Variants in MAP4 observed in about 807,000 individuals in gnomAD.
MAP4 encodes the protein microtubule associated protein 4.
In MAP4, 76 loss-of-function variants were observed where a neutral mutation model predicts 170.2. The ratio of observed to expected loss-of-function variants is 0.45; its 90% confidence interval spans 0.37 to 0.54. The LOEUF is 0.54. Ranked by LOEUF, MAP4 falls within the 20% of genes least tolerant of loss-of-function variation. The pLI is 0.00. For missense variants in MAP4, 2,506 were observed against 2,748.0 expected (o/e 0.91, Z 1.97); for synonymous variants, 909 against 994.5 (o/e 0.91, Z 1.62).
chr3:48,059,552 G>A (rs1381021712), intron 1 of MAP4, among the ~76,000 whole-genome samples: 1 of 149,238 alleles, frequency 6.7e-6, no homozygotes, highest in East Asian at 2.0e-4. Flanking sequence ...ACCTACTCAG[G>A]ATAGCAACAT....
At chr3:47,966,605 T>G (rs556383936) in intron 3 of MAP4, among the ~76,000 whole-genome samples, 1 of 152,182 alleles carries the variant, frequency 6.6e-6, no homozygotes, top group Non-Finnish European at 1.5e-5. Flanking sequence ...GGTCTTGAAC[T>G]CCTTGCCTCA....
intron 1 of MAP4, among the ~76,000 whole-genome samples, chr3:48,045,793 G>C (rs148729669): frequency 1.3e-5 from 2 of 152,064 alleles, no homozygotes; most frequent in Non-Finnish European, 2.9e-5. Context: ...CGCCTGCCTC[G>C]GCCTCCCAAA....
At chr3:47,980,925 T>C (rs1197724724) in intron 2 of MAP4, among the ~76,000 whole-genome samples, 1 of 152,214 alleles carries the variant, frequency 6.6e-6, no homozygotes, top group Non-Finnish European at 1.5e-5. Flanking sequence ...ATTACAGTGA[T>C]AAAACCTTTT....
chr3:47,874,396 G>C (rs1011190321), intron 12 of MAP4, among the ~76,000 whole-genome samples: 2 of 152,134 alleles, frequency 1.3e-5, no homozygotes, highest in African/African-American at 4.8e-5. Flanking sequence ...TTGAACCTGG[G>C]AGGTGGAGGT....
intron 3 of MAP4, among the ~76,000 whole-genome samples, chr3:47,977,485 A>G (rs1380523007): frequency 6.6e-6 from 1 of 152,220 alleles, no homozygotes; most frequent in Non-Finnish European, 1.5e-5. Context: ...CCTAACATTG[A>G]ACTGTAGAAA....
At chr3:47,966,692 T>G (rs2100075277) in intron 3 of MAP4, among the ~76,000 whole-genome samples, 1 of 152,172 alleles carries the variant, frequency 6.6e-6, no homozygotes, top group Admixed American at 6.5e-5. Flanking sequence ...ATCCAACTTT[T>G]TTATGTGGAT....
chr3:47,916,034 T>A lies in MAP4; in HGVS notation c.1793A>T (p.Gln598Leu). 1.2e-6 allele frequency: 2 copies of A among 1,614,240 alleles called. No homozygotes were observed. The highest frequency in any genetic ancestry group is 1.7e-6 in the Non-Finnish European group (2 of 1,180,038). The change falls in exon 7 of 21, where the codon CAA becomes CTA. Residue 598 changes from glutamine to leucine, a missense_variant. Gln to Leu is a moderately radical substitution (Grantham distance 113). Coordinates refer to ENST00000683076, the MANE Select transcript of MAP4 (RefSeq NM_001385682.1). ...PIKDMEIAQTQKGISEDSHLE... is the reference protein window; with the variant it reads ...PIKDMEIAQTLKGISEDSHLE... ...ATGGGAATCCTCACTTATTCCTTTT[T>A]GTGTTTGTGCAATTTCCATGTCTTT... is the stretch of plus-strand genomic sequence containing the variant.
chr3:47,884,982 G>A (rs964518884), intron 10 of MAP4, among the ~76,000 whole-genome samples: 5 of 152,138 alleles, frequency 3.3e-5, no homozygotes, highest in Admixed American at 3.3e-4. Flanking sequence ...GTGGACAACA[G>A]GAAGGCCCTT....
chr3:47,893,502 C>T (rs1158434518), intron 10 of MAP4, among the ~76,000 whole-genome samples: 3 of 152,188 alleles, frequency 2.0e-5, no homozygotes, highest in African/African-American at 7.2e-5. Flanking sequence ...GCTTACTGCC[C>T]CCATTTAACT....
At chr3:48,017,713 G>A (rs1456939071), upstream of MAP4, among the ~76,000 whole-genome samples, 1 of 152,024 alleles carries the variant, frequency 6.6e-6, no homozygotes, top group Non-Finnish European at 1.5e-5. Context: ...TGAAAGTCTT[G>A]AAATCAAGGT....
intron 3 of MAP4, among the ~76,000 whole-genome samples, chr3:47,951,581 A>G (rs1211681407): frequency 6.6e-6 from 1 of 152,216 alleles, no homozygotes; most frequent in East Asian, 1.9e-4. Context: ...CCAGCTCCTA[A>G]CCGCGAGTGA....
intron 1 of MAP4, among the ~76,000 whole-genome samples, chr3:48,037,880 T>C (rs942617291): frequency 1.4e-4 from 21 of 151,916 alleles, no homozygotes; most frequent in African/African-American, 4.6e-4. Flanking sequence ...AGAGTGAGGA[T>C]TTTCGGCCAG....
intron 1 of MAP4, among the ~76,000 whole-genome samples, chr3:48,042,826 G>C (rs889184813): frequency 6.6e-6 from 1 of 152,078 alleles, no homozygotes; most frequent in Non-Finnish European, 1.5e-5. Context: ...CCATAAAAGG[G>C]AATAAAGTCC....
At chr3:47,995,250 C>CTTT (rs67017707) in intron 2 of MAP4, among the ~76,000 whole-genome samples, 4 of 112,220 alleles carry the variant, frequency 3.6e-5, no homozygotes, top group East Asian at 2.7e-4. Context: ...TTTTTCTTTT[C>CTTT]TTTTTTTTTT....
chr3:47,885,857 T>C (rs542926603), intron 10 of MAP4, among the ~76,000 whole-genome samples: 1 of 151,736 alleles, frequency 6.6e-6, no homozygotes, highest in Non-Finnish European at 1.5e-5. Flanking sequence ...GCCTCCCGAG[T>C]AGCCGGGACT....
chr3:47,977,412 G>A (rs1011142157), intron 3 of MAP4, among the ~76,000 whole-genome samples: 1 of 152,120 alleles, frequency 6.6e-6, no homozygotes, highest in Non-Finnish European at 1.5e-5. Context: ...ACAGTTAAGG[G>A]AAAGATAAAG....
At chr3:48,087,745 G>GCGCGCACACACACACACACGCGCGCA (rs1491486983) in intron 1 of MAP4, among the ~76,000 whole-genome samples, 15 of 105,676 alleles carry the variant, frequency 1.4e-4, no homozygotes, top group South Asian at 7.1e-4. Flanking sequence ...ACACGCACGC[G>GCGCGCACACACACACACACGCGCGCA]CACACACACA....
intron 1 of MAP4, among the ~76,000 whole-genome samples, chr3:48,059,104 C>T (rs754158288): frequency 2.6e-4 from 40 of 152,058 alleles, no homozygotes; most frequent in Non-Finnish European, 4.6e-4. Flanking sequence ...AAACAGCCTT[C>T]ATCATTAAGT....
At chr3:47,913,401 G>A (rs2100036950) in intron 8 of MAP4, among the ~76,000 whole-genome samples, 1 of 152,054 alleles carries the variant, frequency 6.6e-6, no homozygotes, top group African/African-American at 2.4e-5. Context: ...GTTAATTATT[G>A]CATCGCTCAA....
Sources: allele counts gnomAD v4.1 joint callset (sites outside exome capture counted in the v4.1 genomes callset), GRCh38; gene constraint gnomAD v4.1.1; transcripts MANE v1.5; gene names NCBI Gene and HGNC (gene_info 2026-07-23, HGNC 2026-07-21).